The following PDE7B variants were observed in gnomAD, a reference collection of about 807,000 sequenced individuals.
PDE7B encodes the protein phosphodiesterase 7B.
A neutral mutation model predicts 56.2 loss-of-function variants in PDE7B; 29 were observed. The ratio of observed to expected loss-of-function variants is 0.52; its 90% CI spans 0.38 to 0.70. PDE7B has a LOEUF of 0.70. PDE7B is among the 30% of genes least tolerant of loss of function. PDE7B has a pLI of 0.00. For synonymous variants in PDE7B, 197 were observed against 196.9 expected (o/e 1.00, Z 0.00); for missense variants, 490 against 565.0 (o/e 0.87, Z 1.35).
chr6:135,881,412 G>A (rs1357662550), intron 1 of PDE7B, among the ~76,000 whole-genome samples: 2 of 151,964 alleles, frequency 1.3e-5, no homozygotes, highest in African/African-American at 4.8e-5. Flanking sequence ...GGAGGCTGAG[G>A]CAGGAGAATC....
At chr6:136,187,193 C>T in intron 12 of PDE7B, 77 bp downstream of exon 12, 1 of 782,754 alleles carries the variant, frequency 1.3e-6, no homozygotes, top group Non-Finnish European at 2.2e-6. Context: ...AAGATCTAAA[C>T]ACAGCTTTCA....
intron 2 of PDE7B, among the ~76,000 whole-genome samples, chr6:136,045,242 G>A (rs1315095988): frequency 1.3e-5 from 2 of 152,090 alleles, no homozygotes; most frequent in East Asian, 1.9e-4. Flanking sequence ...TATACACACA[G>A]TGTGAACTTT....
intron 3 of PDE7B, among the ~76,000 whole-genome samples, chr6:136,114,249 C>T (rs1777796113): frequency 6.6e-6 from 1 of 152,178 alleles, no homozygotes; most frequent in African/African-American, 2.4e-5. Context: ...AAATATTTCC[C>T]TTTACTTATT....
intron 1 of PDE7B, among the ~76,000 whole-genome samples, chr6:135,888,451 C>CGT (rs143278979): frequency 1.6e-4 from 24 of 151,134 alleles, no homozygotes; most frequent in East Asian, 7.8e-4. Flanking sequence ...GAAATACACA[C>CGT]GTGTGTGTGT....
rs923420877 is a variant in PDE7B, at chr6:136,193,562, T to C, written c.*1722T>C. On this transcript the variant is annotated 3_prime_UTR_variant, in exon 13 of 13. Transcript: ENST00000308191. ...AACGCTGTGCATTGAACCTTTTCTT[T>C]AGAAGTTTCAGCGTAACTAATGTTA... The C allele has an allele frequency of 2.0e-5, 3 of 152,210 alleles. No homozygotes were observed. The highest frequency in any genetic ancestry group is 2.9e-5 in the Non-Finnish European group (2 of 68,042). 9.4% of individuals were successfully genotyped at this position (152,210 alleles called of 1,614,324 possible).
chr6:135,981,409 C>T (rs1348316066), intron 2 of PDE7B, among the ~76,000 whole-genome samples: 1 of 151,478 alleles, frequency 6.6e-6, no homozygotes, highest in Non-Finnish European at 1.5e-5. Context: ...CATTGTGCAG[C>T]ACATGTACCC....
At chr6:135,899,336 C>T (rs1775958032) in intron 1 of PDE7B, among the ~76,000 whole-genome samples, 2 of 151,782 alleles carry the variant, frequency 1.3e-5, no homozygotes, top group South Asian at 4.2e-4. Flanking sequence ...AATGTCTATA[C>T]ATATGTATCT....
At chr6:136,027,624 T>C (rs1020712599) in intron 2 of PDE7B, among the ~76,000 whole-genome samples, 1 of 152,070 alleles carries the variant, frequency 6.6e-6, no homozygotes, top group Non-Finnish European at 1.5e-5. Context: ...TTAATATTTA[T>C]TTATTTATTT....
intron 3 of PDE7B, among the ~76,000 whole-genome samples, chr6:136,120,305 C>T (rs1316490827): frequency 6.6e-6 from 1 of 152,112 alleles, no homozygotes; most frequent in Non-Finnish European, 1.5e-5. Context: ...CATTGCTTTC[C>T]AACATGTGGT....
intron 9 of PDE7B, among the ~76,000 whole-genome samples, chr6:136,177,141 A>G (rs147873157): frequency 5.9e-5 from 9 of 152,134 alleles, no homozygotes; most frequent in East Asian, 1.9e-4. Flanking sequence ...CCATAAATAA[A>G]AAGATTTATA....
intron 2 of PDE7B, among the ~76,000 whole-genome samples, chr6:135,970,801 G>A (rs1022719172): frequency 5.3e-5 from 8 of 152,154 alleles, no homozygotes; most frequent in African/African-American, 1.9e-4. Flanking sequence ...TTTGGCCTAG[G>A]GAGACTGTAG....
At chr6:136,161,961 T>G (rs895933881) in intron 8 of PDE7B, 3 of 152,188 alleles carry the variant, frequency 2.0e-5, no homozygotes, top group African/African-American at 7.2e-5. Context: ...TTCCAAGGGG[T>G]ACACAGGCAT....
intron 1 of PDE7B, among the ~76,000 whole-genome samples, chr6:135,918,126 G>T (rs1773992480): frequency 6.6e-6 from 1 of 152,136 alleles, no homozygotes; most frequent in Admixed American, 6.5e-5. Flanking sequence ...CTCTCTGGGT[G>T]GCTGGTTCAA....
At chr6:135,867,776 G>T (rs938848628) in intron 1 of PDE7B, among the ~76,000 whole-genome samples, 2 of 152,176 alleles carry the variant, frequency 1.3e-5, no homozygotes, top group Admixed American at 1.3e-4. Flanking sequence ...TTTCTTAACT[G>T]AGAAAATATT....
At chr6:135,946,656 C>A (rs77860483) in intron 1 of PDE7B, among the ~76,000 whole-genome samples, 22 of 152,098 alleles carry the variant, frequency 1.4e-4, no homozygotes, top group Admixed American at 7.2e-4. Context: ...ATCACAGCTA[C>A]GGTTAAATAT....
At chr6:135,926,365 G>C (rs1263919301) in intron 1 of PDE7B, among the ~76,000 whole-genome samples, 10 of 152,128 alleles carry the variant, frequency 6.6e-5, no homozygotes, top group Non-Finnish European at 1.5e-4. Context: ...GGGATTACAG[G>C]CGTGAGCCAC....
chr6:135,875,218 ATTAT>A (rs1334831164), intron 1 of PDE7B, among the ~76,000 whole-genome samples: 6 of 152,082 alleles, frequency 3.9e-5, no homozygotes, highest in African/African-American at 1.2e-4. Context: ...TGTATTAAGA[ATTAT>A]TTATTTATTC....
intron 2 of PDE7B, chr6:136,047,182 T>C (rs1475445264): frequency 2.0e-5 from 3 of 152,212 alleles, no homozygotes; most frequent in Non-Finnish European, 4.4e-5. Context: ...TTCTACCCTC[T>C]CTACTACCAC....
chr6:136,091,631 A>G (rs1487989286), intron 2 of PDE7B, among the ~76,000 whole-genome samples: 1 of 152,238 alleles, frequency 6.6e-6, no homozygotes, highest in African/African-American at 2.4e-5. Context: ...TATATGTTCT[A>G]AAAAATCAAA....
Sources: gnomAD v4.1 joint callset for allele counts (sites outside exome capture counted in the v4.1 genomes callset) on GRCh38, gnomAD v4.1.1 for gene constraint, MANE v1.5 for transcripts, NCBI Gene and HGNC (gene_info 2026-07-23, HGNC 2026-07-21) for gene names.